PGR: variants seen among roughly 807,000 people sequenced by gnomAD.
PGR encodes nuclear receptor subfamily 3 group C member 3.
A neutral mutation model predicts 76.1 loss-of-function variants in PGR; 25 were observed. That is an observed-to-expected ratio of 0.33 (90% CI 0.24 to 0.46). PGR has a LOEUF of 0.46. Ranked by LOEUF, PGR falls within the 20% of genes least tolerant of loss-of-function variation. The pLI is 1.00. For synonymous variants in PGR, 579 were observed against 535.0 expected, an observed-to-expected ratio of 1.08 and a Z score of -1.14; for missense variants, 1,172 against 1,225.3, an observed-to-expected ratio of 0.96 and a Z score of 0.65.
At chr11:101,103,237 T>C (rs976499179) in intron 2 of PGR, among the ~76,000 whole-genome samples, 1 of 152,052 alleles carries the variant, frequency 6.6e-6, no homozygotes, top group Non-Finnish European at 1.5e-5. Flanking sequence ...ACCCCTGCCC[T>C]AGAAGAAATA....
At chr11:101,073,434 C>G (rs1178764777) in intron 3 of PGR, among the ~76,000 whole-genome samples, 1 of 151,528 alleles carries the variant, frequency 6.6e-6, no homozygotes, top group African/African-American at 2.4e-5. Flanking sequence ...GAAGCAAGAG[C>G]AAACAAATTC....
intron 3 of PGR, among the ~76,000 whole-genome samples, chr11:101,084,950 C>T (rs112199515): frequency 6.6e-6 from 1 of 152,028 alleles, no homozygotes; most frequent in Admixed American, 6.6e-5. Context: ...ACTGGCACAC[C>T]CAGATTCATA....
At chr11:101,094,673 G>C (rs1378048029) in intron 2 of PGR, among the ~76,000 whole-genome samples, 1 of 152,128 alleles carries the variant, frequency 6.6e-6, no homozygotes, top group Non-Finnish European at 1.5e-5. Context: ...ATCATGAATT[G>C]TATTATTAGA....
In PGR at chr11:101,128,275, C is replaced by T. The variant is rs1333528332; in HGVS notation, c.796G>A (p.Ala266Thr). The T allele has an allele frequency of 6.3e-6, 10 of 1,591,186 alleles. No individual in the cohort carries two copies. In the Admixed American group the frequency reaches 1.7e-4, roughly 27 times the overall value. ...CGGGAATCTTCCTTGGGGACCAGGG[C>T]GACGCCTCCTGCTGCCGCCCCCGGC... ...VPPGAAAGGV[A>T]LVPKEDSRFS... Residue 266 changes from alanine to threonine, a missense_variant, in exon 1 of 8, where the codon GCC (alanine) becomes ACC (threonine). Ala to Thr is a moderately conservative substitution (Grantham distance 58). Coordinates refer to ENST00000325455, the MANE Select transcript of PGR (RefSeq NM_000926.4).
At chr11:101,056,035 T>G (rs1385013068) in intron 4 of PGR, among the ~76,000 whole-genome samples, 1 of 152,210 alleles carries the variant, frequency 6.6e-6, no homozygotes, top group African/African-American at 2.4e-5. Context: ...TGAACATGCC[T>G]AGTATAGAAA....
chr11:101,038,171 CCCTCCT>C lies in PGR; in HGVS notation c.*939_*944del, dbSNP rs1859573933. On this transcript the variant is annotated 3_prime_UTR_variant, in exon 8 of 8. Transcript: ENST00000325455. ...GAGAAAGGTATGTGAATTGATACCTCCCTCCTCCTCCTCTCCCTTTCTTCTTTCCTT... is the reference window on the plus strand; with the variant it reads ...GAGAAAGGTATGTGAATTGATACCTCCCTCCTCTCCCTTTCTTCTTTCCTT... The C allele has an allele frequency of 5.2e-6, 1 of 191,618 alleles. No homozygotes were observed. The allele number at this position is 191,618 out of a possible 1,614,324, so 11.9% of individuals were successfully genotyped here. A position where few individuals can be genotyped will look rare whatever the true frequency, so the allele number is the denominator to read the frequency against.
chr11:101,059,777 AG>A (rs2135406884), intron 4 of PGR, among the ~76,000 whole-genome samples: 1 of 147,122 alleles, frequency 6.8e-6, no homozygotes, highest in African/African-American at 2.5e-5. Context: ...CAAGAGGTCC[AG>A]GCTGCAATGA....
chr11:101,082,809 A>C (rs1427222554), intron 3 of PGR, among the ~76,000 whole-genome samples: 9 of 152,246 alleles, frequency 5.9e-5, no homozygotes, highest in African/African-American at 1.9e-4. Flanking sequence ...TTAAAAGTGA[A>C]GCAAAGCAAA....
intron 2 of PGR, among the ~76,000 whole-genome samples, chr11:101,121,100 A>C (rs1591432916): frequency 6.6e-6 from 1 of 152,356 alleles, no homozygotes; most frequent in East Asian, 1.9e-4. Context: ...CTAAATAGTA[A>C]ACTGAGAGAC....
At chr11:101,116,399 C>G (rs1350971773) in intron 2 of PGR, among the ~76,000 whole-genome samples, 3 of 152,182 alleles carry the variant, frequency 2.0e-5, no homozygotes, top group East Asian at 1.9e-4. Flanking sequence ...GGAGGAAAGT[C>G]AGGCACCAAG....
chr11:101,128,117 G>A lies in PGR; in HGVS notation c.954C>T (p.Ala318=), dbSNP rs1289043687. ...CGTCTTCCAGCAGCTGCCGAGTGCGGGCTGCCAATAAGGCGTGATTGAGAG... is the reference window on the plus strand; with the variant it reads ...CGTCTTCCAGCAGCTGCCGAGTGCGAGCTGCCAATAAGGCGTGATTGAGAG... The part of the protein sequence containing the change: ...ILPLNHALLA[A]RTRQLLEDES... The change falls in exon 1 of 8, where the codon GCC becomes GCT. Residue 318 remains alanine (A), a synonymous_variant. Coordinates refer to ENST00000325455, the MANE Select transcript of PGR (RefSeq NM_000926.4). 5.0e-6 allele frequency: 8 copies of A among 1,598,454 alleles called. No homozygotes were observed. Among genetic ancestry groups the A allele is most frequent in the Non-Finnish European group, 6.8e-6 (8 of 1,179,692 alleles).
chr11:101,056,498 G>C (rs532853492), intron 4 of PGR, among the ~76,000 whole-genome samples: 1 of 152,066 alleles, frequency 6.6e-6, no homozygotes, highest in South Asian at 2.1e-4. Context: ...GTGTGGTGGT[G>C]CACACCTGTA....
Position 101,080,245 on chromosome 11 carries a change from C to T in PGR, c.1906+11515G>A, listed in dbSNP as rs112935137. Reference sequence around the variant, plus strand: ...AACAAGGATCAAGTATATATCCAGCCACATTGGTCACAGCCAGCTCTTACC... The same window carrying T: ...AACAAGGATCAAGTATATATCCAGCTACATTGGTCACAGCCAGCTCTTACC... On this transcript the variant is annotated intron_variant, in intron 3 of 7. Transcript: ENST00000325455. Among the ~76,000 whole-genome samples the T allele has an allele frequency of 4.5e-3, 679 of 152,146 alleles. 9 individuals carry two copies. Among genetic ancestry groups the T allele is most frequent in the African/African-American group, 0.015 (627 of 41,514 alleles).
chr11:101,077,464 C>A (rs1861165613), intron 3 of PGR, among the ~76,000 whole-genome samples: 1 of 151,954 alleles, frequency 6.6e-6, no homozygotes, highest in Non-Finnish European at 1.5e-5. Flanking sequence ...TTCCAAAAAC[C>A]AAAACTATAC....
chr11:101,070,474 A>G (rs1296170816), intron 3 of PGR, among the ~76,000 whole-genome samples: 1 of 152,154 alleles, frequency 6.6e-6, no homozygotes, highest in African/African-American at 2.4e-5. Flanking sequence ...AGTGAGACAG[A>G]ACCATTCACT....
At chr11:101,125,226 T>G (rs1223169673) in intron 2 of PGR, among the ~76,000 whole-genome samples, 1 of 151,732 alleles carries the variant, frequency 6.6e-6, no homozygotes, top group African/African-American at 2.4e-5. Context: ...CTGCTTAGAC[T>G]TTAGGTAGAA....
intron 2 of PGR, among the ~76,000 whole-genome samples, chr11:101,099,773 A>G (rs1298124458): frequency 1.4e-5 from 2 of 146,378 alleles, no homozygotes; most frequent in Non-Finnish European, 3.0e-5. Flanking sequence ...CACTAGAGGA[A>G]GAGCAGCCTG....
chr11:101,044,191 T>C (rs1309239758), intron 6 of PGR, among the ~76,000 whole-genome samples: 1 of 152,222 alleles, frequency 6.6e-6, no homozygotes, highest in Non-Finnish European at 1.5e-5. Context: ...GCGATAATCT[T>C]ACCTAGATCT....
chr11:101,044,168 A>G (rs1859785394), intron 6 of PGR, among the ~76,000 whole-genome samples: 1 of 152,232 alleles, frequency 6.6e-6, no homozygotes, highest in Non-Finnish European at 1.5e-5. Flanking sequence ...TAGCACAGCT[A>G]CTTTCATAAG....
Sources: allele counts gnomAD v4.1 joint callset (sites outside exome capture counted in the v4.1 genomes callset), GRCh38; gene constraint gnomAD v4.1.1; transcripts MANE v1.5; gene names NCBI Gene and HGNC (gene_info 2026-07-23, HGNC 2026-07-21).